UPF1: variants seen among roughly 807,000 people sequenced by gnomAD.
UPF1 encodes the protein UPF1 RNA helicase and ATPase.
A neutral mutation model predicts 129.2 loss-of-function variants in UPF1; 9 were observed. The ratio of observed to expected loss-of-function variants is 0.07; its 90% CI spans 0.04 to 0.12. The LOEUF is 0.12. Among genes scored for constraint, UPF1 ranks in the 10% least tolerant of loss-of-function variants. The pLI is 1.00. For missense variants in UPF1, 788 were observed against 1,525.3 expected, an observed-to-expected ratio of 0.52 and a Z score of 8.05; for synonymous variants, 649 against 644.9, an observed-to-expected ratio of 1.01 and a Z score of -0.10.
In UPF1 at chr19:18,842,751, G is replaced by A. The variant is rs570273645; in HGVS notation, c.232-3229G>A. Among the ~76,000 whole-genome samples the A allele has an allele frequency of 6.6e-5, 10 of 151,984 alleles. No individual in the cohort carries two copies. The East Asian group carries it at 1.9e-3, about 30-fold the overall frequency. On this transcript the variant is annotated intron_variant, in intron 1 of 23. Coordinates refer to ENST00000262803, the MANE Select transcript of UPF1 (RefSeq NM_002911.4). ...GCAGTGGCTCACACCTGTAATCCCA[G>A]CATTTTGGGAGGCCAAGGTGGGTGG...
At chr19:18,861,823 GT>G (rs1048760347) in intron 17 of UPF1, among the ~76,000 whole-genome samples, 186 bp from the exon 18 acceptor site, 10 of 152,182 alleles carry the variant, frequency 6.6e-5, no homozygotes, top group African/African-American at 2.4e-4. Context: ...GCAAGATCCT[GT>G]CTCTAAAAAA....
intron 15 of UPF1, among the ~76,000 whole-genome samples, chr19:18,858,117 A>G (rs774943928): frequency 8.5e-5 from 13 of 152,200 alleles, no homozygotes; most frequent in East Asian, 1.9e-4. Context: ...CTGTGACCAG[A>G]TAAAATTTCT....
rs34677724 is a variant in UPF1 at position 18,856,912 on chromosome 19, C to T, written c.1860C>T (p.Ala620=). 63,056 of 1,611,980 alleles carry T rather than the reference C, an allele frequency of 0.039. 1,637 individuals carry two copies. The highest frequency in any genetic ancestry group is 0.11 in the African/African-American group (8,290 of 74,886). Residue 620 remains alanine, a synonymous_variant, in exon 14 of 24, where the codon GCC becomes GCT. Transcript: ENST00000262803. ...ADVICCTCVG[A]GDPRLAKMQF... Reference sequence around the variant, plus strand: ...TCATCTGCTGCACATGTGTGGGCGCCGGTGACCCGAGGCTGGCCAAGATGC... The same window carrying T: ...TCATCTGCTGCACATGTGTGGGCGCTGGTGACCCGAGGCTGGCCAAGATGC...
At chr19:18,836,377 A>G (rs1328658811) in intron 1 of UPF1, among the ~76,000 whole-genome samples, 2 of 152,248 alleles carry the variant, frequency 1.3e-5, no homozygotes, top group Non-Finnish European at 2.9e-5. Context: ...TTAAGAAGGA[A>G]CAAACTATTG....
chr19:18,860,072 C>G, intron 15 of UPF1: 1 of 481,200 alleles, frequency 2.1e-6, no homozygotes, highest in Non-Finnish European at 3.7e-6. Context: ...GACCCTGTTC[C>G]CTGTTCAGGG....
chr19:18,837,375 A>G (rs901142134), intron 1 of UPF1, among the ~76,000 whole-genome samples: 1 of 152,178 alleles, frequency 6.6e-6, no homozygotes, highest in African/African-American at 2.4e-5. Flanking sequence ...AGAGTGAGCC[A>G]TTGAGCCTGG....
At chr19:18,860,096 T>C (rs1183730577) in intron 15 of UPF1, 1 of 565,720 alleles carries the variant, frequency 1.8e-6, no homozygotes, top group Non-Finnish European at 3.2e-6. Flanking sequence ...GAGCCAGCTC[T>C]GTGCTGGCCA....
At chr19:18,866,203 C>T in intron 23 of UPF1, 37 bp downstream of exon 23, 1 of 1,529,166 alleles carries the variant, frequency 6.5e-7, no homozygotes, top group Non-Finnish European at 8.8e-7. Context: ...CCCACCCCAG[C>T]CTCAAGGAGA....
intron 15 of UPF1, 52 bp from the exon 16 acceptor site, chr19:18,860,269 T>G: frequency 1.3e-6 from 2 of 1,585,568 alleles, no homozygotes; most frequent in Non-Finnish European, 1.7e-6. Context: ...TCTGAACTCA[T>G]TTGAGGCGGG....
intron 20 of UPF1, 28 bp downstream of exon 20, chr19:18,864,279 G>A (rs749018176): frequency 6.3e-6 from 10 of 1,592,170 alleles, no homozygotes; most frequent in African/African-American, 4.0e-5. Flanking sequence ...GGACCTGGCC[G>A]ACCCCTTGTC....
rs199878035 is a variant in UPF1 at position 18,865,676 on chromosome 19, G to A, written c.3135G>A (p.Ala1045=). 5.7e-4 allele frequency: 921 copies of A among 1,613,774 alleles called. No individual in the cohort carries two copies. The highest frequency in any genetic ancestry group is 6.7e-4 in the Non-Finnish European group (790 of 1,180,046). The stretch of plus-strand genomic sequence containing the variant: ...ACAGCCAAGCCAGCCAGGATGTGGC[G>A]TCACAGCCCTTCTCTCAGGGCGCCC... ...LPNSQASQDV[A]SQPFSQGALT... The change falls in exon 22 of 24, where the codon GCG becomes GCA. Residue 1045 remains alanine (A), a synonymous_variant. Transcript: ENST00000262803. The surrounding 1 kb of genome is among the most constrained non-coding windows in gnomAD (Gnocchi z 6.1).
chr19:18,847,735 A>G lies in UPF1; in HGVS notation c.372-9A>G. 1 of 1,612,978 alleles carries G rather than the reference A, an allele frequency of 6.2e-7. No homozygotes were observed. Among genetic ancestry groups the G allele is most frequent in the Admixed American group, 1.7e-5 (1 of 59,998 alleles). ...TCCAGCTGTAACTGTCGCTGTTTTG[A>G]TTTTTTAGTTACTGTGGAATACACG... On this transcript the variant is annotated splice_polypyrimidine_tract_variant and intron_variant, in intron 2 of 23. Transcript: ENST00000262803.
At chr19:18,862,431 T>C (rs1459170542) in intron 18 of UPF1, among the ~76,000 whole-genome samples, 4 of 152,154 alleles carry the variant, frequency 2.6e-5, no homozygotes, top group Admixed American at 1.3e-4. Context: ...TCTGAGAGGC[T>C]GTAAGTTTTG....
rs2055439230 is a variant in UPF1, at chr19:18,832,546, C to T, written c.231+106C>T. ...CCTGTGTTTGGCCGGAGTCCCCCATCGCGGCCGGGCCTGGGGCGATCTGCC... is the reference window on the plus strand; with the variant it reads ...CCTGTGTTTGGCCGGAGTCCCCCATTGCGGCCGGGCCTGGGGCGATCTGCC... On this transcript the variant is annotated intron_variant, in intron 1 of 23. Coordinates refer to ENST00000262803, the MANE Select transcript of UPF1 (RefSeq NM_002911.4). This position sits in a 1 kb window ranked among gnomAD's most constrained non-coding sequence, Gnocchi z 5.6. 2.3e-6 allele frequency: 2 copies of T among 852,908 alleles called. No individual in the cohort carries two copies. The highest frequency in any genetic ancestry group is 1.1e-4 in the South Asian group (2 of 18,788). The allele number at this position is 852,908 out of a possible 1,614,324, so 52.8% of individuals were successfully genotyped here.
Position 18,851,004 on chromosome 19 carries a change from C to T in UPF1, c.810+136C>T, listed in dbSNP as rs1387730629. On this transcript the variant is annotated intron_variant, in intron 5 of 23. Transcript: ENST00000262803. This position sits in a 1 kb window ranked among gnomAD's most constrained non-coding sequence, Gnocchi z 4.2. ...AGGAATTCAGGCAGACCTCTGCCAC[C>T]TCTACGTGGAATGACCTCAGGGCAC... The T allele has an allele frequency of 1.3e-5, 15 of 1,151,416 alleles. No homozygotes were observed. The highest frequency in any genetic ancestry group is 3.1e-5 in the African/African-American group (2 of 63,668). The allele number at this position is 1,151,416 out of a possible 1,614,324, so 71.3% of individuals were successfully genotyped here. A position where few individuals can be genotyped will look rare whatever the true frequency, so the allele number is the denominator to read the frequency against.
rs1283404256 is a variant in UPF1, at chr19:18,832,956, A to T, written c.231+516A>T. 6.6e-6 allele frequency among the ~76,000 whole-genome samples: 1 copy of T among 150,514 alleles called. No individual in the cohort carries two copies. The highest frequency in any genetic ancestry group is 1.5e-5 in the Non-Finnish European group (1 of 67,550). ...GTATTCTGCCTCGAGTTCTCCTACGACCTGGGCCGGGTCTTGCTCAGGCCG... is the reference window on the plus strand; with the variant it reads ...GTATTCTGCCTCGAGTTCTCCTACGTCCTGGGCCGGGTCTTGCTCAGGCCG... On this transcript the variant is annotated intron_variant, in intron 1 of 23. Transcript: ENST00000262803. The surrounding 1 kb of genome is among the most constrained non-coding windows in gnomAD (Gnocchi z 5.6).
intron 3 of UPF1, chr19:18,848,885 A>T (rs551727248): frequency 6.6e-6 from 1 of 152,360 alleles, no homozygotes; most frequent in East Asian, 1.9e-4. Flanking sequence ...TTGTTCAGGA[A>T]AAGCAACTAA....
intron 19 of UPF1, 137 bp downstream of exon 19, chr19:18,863,749 A>AGGGTGGGCTCTCCTAGGGGT: frequency 2.0e-6 from 2 of 985,612 alleles, no homozygotes; most frequent in Non-Finnish European, 2.8e-6. Flanking sequence ...CTCCTAGGGG[A>AGGGTGGGCTCTCCTAGGGGT]GGGTGGGCCA....
chr19:18,860,712 A>C (rs776685310), intron 16 of UPF1, 114 bp from the exon 17 acceptor site: 2 of 1,445,734 alleles, frequency 1.4e-6, no homozygotes, highest in Non-Finnish European at 1.9e-6. Flanking sequence ...TGCAAACGCC[A>C]GTGATGGCAG....
Sources: allele counts gnomAD v4.1 joint callset (sites outside exome capture counted in the v4.1 genomes callset), GRCh38; gene constraint gnomAD v4.1.1; non-coding constraint Gnocchi (gnomAD v3.1); transcripts MANE v1.5; gene names NCBI Gene and HGNC (gene_info 2026-07-23, HGNC 2026-07-21).